The following DAB1 variants were observed in gnomAD, a reference collection of about 807,000 sequenced individuals.
The protein encoded by DAB1 is disabled homolog 1.
A neutral mutation model predicts 64.6 loss-of-function variants in DAB1; 15 were observed. The observed-to-expected ratio is 0.23, with a 90% CI of 0.16 to 0.36. The LOEUF is 0.36. Among genes scored for constraint, DAB1 ranks in the 10% least tolerant of loss-of-function variants. The pLI is 1.00. For synonymous variants in DAB1, 235 were observed against 251.9 expected (o/e 0.93, Z 0.64); for missense variants, 596 against 706.7 (o/e 0.84, Z 1.78).
At position 57,783,569 on chromosome 1, in the gene DAB1, T is replaced by C. The variant is rs1294969582; in HGVS notation, n.551+100430A>G. 5.4e-4 allele frequency among the ~76,000 whole-genome samples: 82 copies of C among 152,216 alleles called. 2 individuals are homozygous for C. Among genetic ancestry groups the C allele is most frequent in the Admixed American group, 5.4e-3 (82 of 15,280 alleles). ...GTGTCCATTTCGGCACCTTGCTTTA[T>C]TGTGCACCATTTTATTGCCTTAGCA... On this transcript the variant is annotated intron_variant and non_coding_transcript_variant, in intron 6 of 20. Coordinates refer to the DAB1 transcript ENST00000485760.
At chr1:57,144,405 C>G (rs1382460640) in intron 3 of DAB1, among the ~76,000 whole-genome samples, 2 of 151,906 alleles carry the variant, frequency 1.3e-5, no homozygotes, top group African/African-American at 4.8e-5. Context: ...TAAAAAATTT[C>G]TAATTTCTGG....
At chr1:57,484,805 G>C (rs978646365) in intron 7 of DAB1, among the ~76,000 whole-genome samples, 3 of 151,472 alleles carry the variant, frequency 2.0e-5, no homozygotes, top group Non-Finnish European at 2.9e-5. Context: ...TTGAGAATGA[G>C]AGAGAGAGAG....
chr1:58,021,892 T>C (rs1270869825), intron 5 of DAB1, among the ~76,000 whole-genome samples: 4 of 152,192 alleles, frequency 2.6e-5, no homozygotes, highest in Non-Finnish European at 2.9e-5. Context: ...GAGGCTGCCA[T>C]TGTGTTCAGA....
intron 5 of DAB1, among the ~76,000 whole-genome samples, chr1:58,117,844 T>TG (rs199678510): frequency 2.0e-4 from 30 of 150,302 alleles, no homozygotes. Flanking sequence ...CATGCTTTGT[T>TG]TTTTTTTTTA....
intron 4 of DAB1, among the ~76,000 whole-genome samples, chr1:58,227,491 C>T (rs1293196081): frequency 6.6e-6 from 1 of 152,130 alleles, no homozygotes; most frequent in East Asian, 1.9e-4. Context: ...TGAGATAGAC[C>T]TACTTACTAG....
At chr1:57,989,079 T>C (rs774394820) in intron 5 of DAB1, among the ~76,000 whole-genome samples, 3 of 152,186 alleles carry the variant, frequency 2.0e-5, no homozygotes, top group Non-Finnish European at 4.4e-5. Context: ...AAATCTTAGT[T>C]CTGCCACTTA....
At chr1:57,180,758 A>G (rs1037301384) in intron 2 of DAB1, among the ~76,000 whole-genome samples, 1 of 152,136 alleles carries the variant, frequency 6.6e-6, no homozygotes, top group Non-Finnish European at 1.5e-5. Context: ...GGAAAAACAA[A>G]AGCTGGCCCT....
At chr1:57,933,516 C>G (rs2102040207) in intron 5 of DAB1, among the ~76,000 whole-genome samples, 1 of 152,198 alleles carries the variant, frequency 6.6e-6, no homozygotes, top group African/African-American at 2.4e-5. Context: ...TTCTTTCACT[C>G]AGCATAATAT....
intron 4 of DAB1, among the ~76,000 whole-genome samples, chr1:58,304,246 C>T (rs1662248181): frequency 6.6e-6 from 1 of 152,124 alleles, no homozygotes; most frequent in Admixed American, 6.5e-5. Context: ...ATGGTAATTT[C>T]CACTCACTGG....
chr1:57,101,639 G>A (rs1654691553), intron 4 of DAB1, among the ~76,000 whole-genome samples: 1 of 152,206 alleles, frequency 6.6e-6, no homozygotes, highest in East Asian at 1.9e-4. Flanking sequence ...CAGGCATGCT[G>A]TTTATTGATT....
Position 57,796,832 on chromosome 1 carries a change from C to T in DAB1, n.551+87167G>A, listed in dbSNP as rs564084269. The stretch of plus-strand genomic sequence containing the variant: ...CTTGGTCTGATCCTGGTCACCCTCC[C>T]TTCACTTTCTACTGGCTATAGATCC... On this transcript the variant is annotated intron_variant and non_coding_transcript_variant, in intron 6 of 20. Transcript: ENST00000485760. 1.3e-3 allele frequency among the ~76,000 whole-genome samples: 199 copies of T among 152,260 alleles called. 1 individual carries two copies. Among genetic ancestry groups the T allele is most frequent in the African/African-American group, 4.5e-3 (187 of 41,540 alleles).
intron 4 of DAB1, among the ~76,000 whole-genome samples, chr1:57,098,965 C>T (rs1570688744): frequency 6.6e-6 from 1 of 152,218 alleles, no homozygotes; most frequent in Non-Finnish European, 1.5e-5. Context: ...ACCTCTGCTA[C>T]TGCTTACCCG....
chr1:57,092,195 A>G (rs1653747399), intron 4 of DAB1, among the ~76,000 whole-genome samples: 1 of 152,214 alleles, frequency 6.6e-6, no homozygotes, highest in Admixed American at 6.5e-5. Context: ...CTCATTCAAC[A>G]AAATCATTTA....
intron 5 of DAB1, among the ~76,000 whole-genome samples, chr1:58,047,195 A>G (rs772699449): frequency 7.2e-5 from 11 of 152,248 alleles, no homozygotes; most frequent in Non-Finnish European, 1.5e-4. Context: ...AATGCAAGCC[A>G]CATATGTCAC....
At chr1:57,768,175 T>TAA (rs11413691) in intron 6 of DAB1, among the ~76,000 whole-genome samples, 32,510 of 96,492 alleles carry the variant, frequency 0.34, 6,062 homozygotes, top group East Asian at 0.62. Context: ...AGAATCTGTC[T>TAA]AAAAAAAAAA....
chr1:57,816,222 C>T (rs192512699), intron 6 of DAB1, among the ~76,000 whole-genome samples: 36 of 152,336 alleles, frequency 2.4e-4, no homozygotes, highest in Admixed American at 2.0e-3. Context: ...ACCTGTTTCA[C>T]TGATTTCGGC....
Position 58,167,407 on chromosome 1 carries a change from A to G in DAB1, n.310-16819T>C, listed in dbSNP as rs576484918. ...GTTCTGTGTCTAGCTAAAGGATTGT[A>G]AATGCACCAATCAGCACTCTGTAAA... On this transcript the variant is annotated intron_variant and non_coding_transcript_variant, in intron 4 of 20. Coordinates refer to the DAB1 transcript ENST00000485760. Among the ~76,000 whole-genome samples the G allele has an allele frequency of 2.9e-3, 443 of 152,218 alleles. 2 individuals carry two copies. The highest frequency in any genetic ancestry group is 4.5e-3 in the Non-Finnish European group (309 of 68,018).
At chr1:57,568,866 G>A (rs1645156417) in intron 7 of DAB1, among the ~76,000 whole-genome samples, 1 of 152,168 alleles carries the variant, frequency 6.6e-6, no homozygotes. Flanking sequence ...GGAAGTCAGT[G>A]TGGCAATTCC....
At chr1:57,272,380 C>A (rs1224093782) in intron 2 of DAB1, among the ~76,000 whole-genome samples, 1 of 152,200 alleles carries the variant, frequency 6.6e-6, no homozygotes, top group African/African-American at 2.4e-5. Flanking sequence ...GCATCCCACA[C>A]AACATTGCAC....
Sources: gnomAD v4.1 joint callset for allele counts (sites outside exome capture counted in the v4.1 genomes callset) on GRCh38, gnomAD v4.1.1 for gene constraint, MANE v1.5 for transcripts, NCBI Gene and HGNC (gene_info 2026-07-23, HGNC 2026-07-21) for gene names.